PDE5A: variants seen among roughly 807,000 people sequenced by gnomAD.
The protein encoded by PDE5A is phosphodiesterase 5A.
A neutral mutation model predicts 110.2 loss-of-function variants in PDE5A; 67 were observed. That is an observed-to-expected ratio of 0.61 (90% CI 0.50 to 0.75). The LOEUF is 0.75. Among genes scored for constraint, PDE5A ranks in the 30% least tolerant of loss-of-function variants. The pLI is 0.00. For synonymous variants in PDE5A, 328 were observed against 351.2 expected, an observed-to-expected ratio of 0.93 and a Z score of 0.74; for missense variants, 862 against 1,045.1, an observed-to-expected ratio of 0.82 and a Z score of 2.42.
At chr4:119,509,467 G>A (rs1725668159) in intron 15 of PDE5A, among the ~76,000 whole-genome samples, 1 of 151,982 alleles carries the variant, frequency 6.6e-6, no homozygotes, top group African/African-American at 2.4e-5. Flanking sequence ...AGAGCCTCAG[G>A]TGCAAGTGCT....
intron 3 of PDE5A, among the ~76,000 whole-genome samples, chr4:119,570,997 C>T (rs976182018): frequency 1.3e-5 from 2 of 152,168 alleles, no homozygotes; most frequent in African/African-American, 4.8e-5. Context: ...CAGCTAACTA[C>T]TAAGTGCCTT....
At chr4:119,526,136 C>T (rs1726308692) in intron 11 of PDE5A, among the ~76,000 whole-genome samples, 1 of 152,108 alleles carries the variant, frequency 6.6e-6, no homozygotes, top group African/African-American at 2.4e-5. Context: ...ATGGTTAGTT[C>T]TCAGGACAGC....
chr4:119,595,163 A>G (rs1371741903), intron 3 of PDE5A, among the ~76,000 whole-genome samples: 2 of 152,166 alleles, frequency 1.3e-5, no homozygotes, highest in Non-Finnish European at 2.9e-5. Flanking sequence ...ATTCTAATGA[A>G]AAAAATCAAT....
chr4:119,623,304 A>T (rs1730227655), intron 1 of PDE5A, among the ~76,000 whole-genome samples: 2 of 152,244 alleles, frequency 1.3e-5, no homozygotes, highest in Non-Finnish European at 2.9e-5. Flanking sequence ...ACTAGTCTGC[A>T]TCCTAAATTC....
intron 1 of PDE5A, among the ~76,000 whole-genome samples, chr4:119,623,187 G>T (rs1578837758): frequency 6.6e-6 from 1 of 152,110 alleles, no homozygotes; most frequent in Admixed American, 6.5e-5. Context: ...CTGAGAACCT[G>T]GTATAACAGA....
intron 10 of PDE5A, among the ~76,000 whole-genome samples, chr4:119,540,455 G>A (rs1726887575): frequency 6.6e-6 from 1 of 151,134 alleles, no homozygotes; most frequent in African/African-American, 2.4e-5. Context: ...AAATTGATGG[G>A]TCATGGCTAT....
chr4:119,605,286 A>G (rs994158615), intron 2 of PDE5A, among the ~76,000 whole-genome samples: 1 of 152,108 alleles, frequency 6.6e-6, no homozygotes, highest in Non-Finnish European at 1.5e-5. Flanking sequence ...CTCACCATGC[A>G]CAAATCTCAA....
Position 119,588,962 on chromosome 4 carries a change from AGAT to A in PDE5A, c.831+7558_831+7560del, listed in dbSNP as rs553146024. 1.2e-3 allele frequency among the ~76,000 whole-genome samples: 181 copies of A among 152,360 alleles called. 2 individuals carry two copies. Among genetic ancestry groups the A allele is most frequent in the African/African-American group, 4.2e-3 (175 of 41,588 alleles). ...CACTAAGTATGATAAAATAAAATCAAGATGATAAGATAAAAAGAGAGAAGGAGG... is the reference window on the plus strand; with the variant it reads ...CACTAAGTATGATAAAATAAAATCAAGATAAGATAAAAAGAGAGAAGGAGG... On this transcript the variant is annotated intron_variant, in intron 3 of 20. Transcript: ENST00000354960.
intron 1 of PDE5A, 92 bp from the exon 2 acceptor site, chr4:119,607,389 T>A (rs1329828288): frequency 1.4e-6 from 1 of 717,528 alleles, no homozygotes; most frequent in Admixed American, 2.8e-5. Flanking sequence ...GGTAAACTGA[T>A]GAGATAATAA....
chr4:119,520,409 T>C (rs1482444537), intron 13 of PDE5A, among the ~76,000 whole-genome samples: 2 of 152,104 alleles, frequency 1.3e-5, no homozygotes, highest in African/African-American at 2.4e-5. Context: ...TTTTCTGCAT[T>C]GATCTTCCTT....
At chr4:119,529,883 G>A (rs1485595592) in intron 11 of PDE5A, among the ~76,000 whole-genome samples, 1 of 152,092 alleles carries the variant, frequency 6.6e-6, no homozygotes, top group Non-Finnish European at 1.5e-5. Context: ...TTCCATTAGA[G>A]CAGCAGTTCT....
At chr4:119,581,620 A>C (rs563784592) in intron 3 of PDE5A, among the ~76,000 whole-genome samples, 1 of 152,324 alleles carries the variant, frequency 6.6e-6, no homozygotes, top group Non-Finnish European at 1.5e-5. Flanking sequence ...CTGTCTCACT[A>C]GCGAAACTCC....
chr4:119,549,907 A>G (rs1387441520), intron 9 of PDE5A: 2 of 152,198 alleles, frequency 1.3e-5, no homozygotes, highest in African/African-American at 4.8e-5. Flanking sequence ...AATGTCAGTA[A>G]TGGAAAAAAT....
intron 1 of PDE5A, among the ~76,000 whole-genome samples, chr4:119,612,193 C>T (rs1268515933): frequency 6.6e-6 from 1 of 152,046 alleles, no homozygotes; most frequent in African/African-American, 2.4e-5. Context: ...AGGATTAGTG[C>T]CTGATGTAGT....
chr4:119,600,586 C>T (rs1578815145), intron 2 of PDE5A, among the ~76,000 whole-genome samples: 1 of 151,966 alleles, frequency 6.6e-6, no homozygotes, highest in African/African-American at 2.4e-5. Flanking sequence ...GAAAAAAATG[C>T]CCCAAAATTA....
intron 3 of PDE5A, among the ~76,000 whole-genome samples, chr4:119,573,398 A>G (rs1480480467): frequency 6.6e-6 from 1 of 152,084 alleles, no homozygotes; most frequent in Admixed American, 6.5e-5. Flanking sequence ...ATTGCATCTC[A>G]TTGTTGCTTT....
chr4:119,506,594 G>T (rs1341153886), intron 16 of PDE5A, among the ~76,000 whole-genome samples: 1 of 151,720 alleles, frequency 6.6e-6, no homozygotes, highest in Non-Finnish European at 1.5e-5. Flanking sequence ...AAAATGAAAA[G>T]TATGTTTCAT....
intron 7 of PDE5A, among the ~76,000 whole-genome samples, chr4:119,558,597 A>T (rs1221488110): frequency 6.6e-6 from 1 of 152,184 alleles, no homozygotes; most frequent in Admixed American, 6.5e-5. Flanking sequence ...AAATGTTAAC[A>T]TTACTAAACA....
At chr4:119,510,637 C>A (rs1725705826) in intron 15 of PDE5A, among the ~76,000 whole-genome samples, 1 of 151,962 alleles carries the variant, frequency 6.6e-6, no homozygotes, top group African/African-American at 2.4e-5. Flanking sequence ...TAGCTTTATT[C>A]TTTAATAAAA....
Sources: gnomAD v4.1 joint callset for allele counts (sites outside exome capture counted in the v4.1 genomes callset) on GRCh38, gnomAD v4.1.1 for gene constraint, MANE v1.5 for transcripts, NCBI Gene and HGNC (gene_info 2026-07-23, HGNC 2026-07-21) for gene names.